PRELID2: variants seen among roughly 807,000 people sequenced by gnomAD.
The protein encoded by PRELID2 is PRELI domain-containing protein 2.
In PRELID2, 25 loss-of-function variants were observed where a neutral mutation model predicts 28.4. That is an observed-to-expected ratio of 0.88 (90% CI 0.64 to 1.23). PRELID2 has a LOEUF of 1.23. Among genes scored for constraint, PRELID2 ranks in the 50% most tolerant of loss-of-function variants. The probability of loss-of-function intolerance (pLI) is 0.00; values close to 1 mark genes in which losing one functional copy is unlikely to be tolerated. For synonymous variants in PRELID2, 76 were observed against 71.6 expected (o/e 1.06, Z -0.31); for missense variants, 201 against 214.4 (o/e 0.94, Z 0.39).
intron 1 of PRELID2, among the ~76,000 whole-genome samples, chr5:145,546,951 CT>C (rs1181036515): frequency 6.6e-6 from 1 of 152,154 alleles, no homozygotes; most frequent in African/African-American, 2.4e-5. Flanking sequence ...AATTTCCCTT[CT>C]GTTAAAGCGG....
chr5:145,288,515 C>T, the PRELID2 span, among the ~76,000 whole-genome samples: 24 of 151,982 alleles, frequency 1.6e-4, no homozygotes, highest in African/African-American at 5.6e-4. Flanking sequence ...TCTGCCAGAA[C>T]CTTAGAATCA....
chr5:145,324,379 T>C, the PRELID2 span, among the ~76,000 whole-genome samples: 9 of 152,302 alleles, frequency 5.9e-5, no homozygotes, highest in Admixed American at 1.3e-4. Context: ...ATGAAGGGAC[T>C]TTCAACTCTT....
intron 1 of PRELID2, among the ~76,000 whole-genome samples, chr5:145,742,161 A>G (rs1756836681): frequency 8.6e-6 from 1 of 116,012 alleles, no homozygotes; most frequent in Non-Finnish European, 1.7e-5. Context: ...TTTATTATAA[A>G]TTTATTTATT....
At chr5:145,613,082 G>A (rs1753641505) in intron 1 of PRELID2, among the ~76,000 whole-genome samples, 2 of 152,116 alleles carry the variant, frequency 1.3e-5, no homozygotes, top group Non-Finnish European at 2.9e-5. Flanking sequence ...TGTACTAGTT[G>A]CATTCCCTGA....
intron 1 of PRELID2, among the ~76,000 whole-genome samples, chr5:145,707,998 T>C (rs1316671143): frequency 1.3e-5 from 2 of 152,186 alleles, no homozygotes; most frequent in Non-Finnish European, 2.9e-5. Context: ...AAACACTCAA[T>C]AAATACCTGT....
the PRELID2 span, among the ~76,000 whole-genome samples, chr5:145,413,194 A>G: frequency 6.6e-6 from 1 of 152,300 alleles, no homozygotes; most frequent in Admixed American, 6.5e-5. Flanking sequence ...TAAATAGACA[A>G]TTCTCAAAAC....
chr5:145,493,702 G>A (rs532526639), intron 1 of PRELID2, among the ~76,000 whole-genome samples: 379 of 151,858 alleles, frequency 2.5e-3, no homozygotes, highest in Non-Finnish European at 4.4e-3. Flanking sequence ...TTCCTTCTCC[G>A]CCTCTTCCAC....
At position 145,603,471 on chromosome 5, in the gene PRELID2, T is replaced by C. The variant is rs560323848; in HGVS notation, n.71-130156A>G. On this transcript the variant is annotated intron_variant and non_coding_transcript_variant, in intron 1 of 2. Coordinates refer to the PRELID2 transcript ENST00000510259. ...TAAAATGTTCTACCAAGTGAATGTATGCTTTAAACATGGAAGCAAAACAAA... is the reference window on the plus strand; with the variant it reads ...TAAAATGTTCTACCAAGTGAATGTACGCTTTAAACATGGAAGCAAAACAAA... 5.3e-5 allele frequency among the ~76,000 whole-genome samples: 8 copies of C among 152,176 alleles called. No homozygotes were observed. In the South Asian group the frequency reaches 1.7e-3, roughly 31 times the overall value.
the PRELID2 span, among the ~76,000 whole-genome samples, chr5:145,298,407 G>T: frequency 6.6e-6 from 1 of 152,092 alleles, no homozygotes; most frequent in African/African-American, 2.4e-5. Context: ...TGGGAAAACT[G>T]GCTAGCCATA....
chr5:145,664,484 T>C (rs979266385), intron 1 of PRELID2, among the ~76,000 whole-genome samples: 1 of 152,092 alleles, frequency 6.6e-6, no homozygotes, highest in African/African-American at 2.4e-5. Flanking sequence ...GAAATGCAAA[T>C]TGTATATGAC....
chr5:145,615,411 C>T (rs1475724607), intron 1 of PRELID2, among the ~76,000 whole-genome samples: 4 of 130,352 alleles, frequency 3.1e-5, no homozygotes, highest in East Asian at 4.4e-4. Context: ...CTGCAGGCTC[C>T]GCCCCCTGGG....
At chr5:145,639,691 C>T (rs904420052) in intron 1 of PRELID2, among the ~76,000 whole-genome samples, 9 of 152,044 alleles carry the variant, frequency 5.9e-5, no homozygotes, top group African/African-American at 2.2e-4. Flanking sequence ...TGGGAAAGTG[C>T]GTTGGGTTGG....
chr5:145,445,876 G>A, the PRELID2 span, among the ~76,000 whole-genome samples: 1 of 151,882 alleles, frequency 6.6e-6, no homozygotes, highest in African/African-American at 2.4e-5. Flanking sequence ...ATGCTGGTGG[G>A]GATATGGAGA....
At chr5:145,229,529 G>A in the PRELID2 span, 22 of 1,460,310 alleles carry the variant, frequency 1.5e-5, no homozygotes, top group African/African-American at 9.8e-5. Context: ...GGTGACCAGC[G>A]TCAAGGATGG....
chr5:145,333,096 G>A, the PRELID2 span, among the ~76,000 whole-genome samples: 2 of 152,220 alleles, frequency 1.3e-5, no homozygotes, highest in Admixed American at 1.3e-4. Flanking sequence ...ATCACCAGCA[G>A]GGGCTGCAGA....
intron 1 of PRELID2, among the ~76,000 whole-genome samples, chr5:145,522,550 T>C (rs1023671443): frequency 2.0e-5 from 3 of 152,154 alleles, no homozygotes; most frequent in Non-Finnish European, 2.9e-5. Context: ...CTTTTTCTTT[T>C]CCCAAATGAT....
chr5:145,474,458 T>A (rs1261390772), intron 1 of PRELID2, among the ~76,000 whole-genome samples: 1 of 152,202 alleles, frequency 6.6e-6, no homozygotes, highest in Non-Finnish European at 1.5e-5. Flanking sequence ...TTATCAGGCC[T>A]TGGTTAGCCA....
intron 2 of PRELID2, among the ~76,000 whole-genome samples, chr5:145,820,435 T>C (rs1297713219): frequency 6.7e-6 from 1 of 150,030 alleles, no homozygotes; most frequent in African/African-American, 2.5e-5. Flanking sequence ...TGCTCTGGAC[T>C]ATCCGTGTCA....
At chr5:145,665,796 T>C (rs541706807) in intron 1 of PRELID2, among the ~76,000 whole-genome samples, 1 of 152,244 alleles carries the variant, frequency 6.6e-6, no homozygotes, top group South Asian at 2.1e-4. Context: ...TGTGAAATTC[T>C]ATACATCTTT....
Sources: gnomAD v4.1 joint callset for allele counts (sites outside exome capture counted in the v4.1 genomes callset) on GRCh38, gnomAD v4.1.1 for gene constraint, MANE v1.5 for transcripts, NCBI Gene and HGNC (gene_info 2026-07-23, HGNC 2026-07-21) for gene names.